Variants in GLIPR2 observed in about 807,000 individuals in gnomAD.
The protein encoded by GLIPR2 is Golgi-associated plant pathogenesis-related protein 1.
A neutral mutation model predicts 20.4 loss-of-function variants in GLIPR2; 21 were observed. The ratio of observed to expected loss-of-function variants is 1.03; its 90% confidence interval spans 0.73 to 1.48. The LOEUF (loss-of-function observed/expected upper bound fraction) is 1.48, where lower values mean the gene tolerates loss of function less well. Among genes scored for constraint, GLIPR2 ranks in the 40% most tolerant of loss-of-function variants. The probability of loss-of-function intolerance (pLI) is 0.00; values close to 1 mark genes in which losing one functional copy is unlikely to be tolerated. For missense variants in GLIPR2, 205 were observed against 200.1 expected (o/e 1.02, Z -0.15); for synonymous variants, 91 against 80.5 (o/e 1.13, Z -0.70).
chr9:36,153,385 A>C (rs1167208519), intron 4 of GLIPR2, among the ~76,000 whole-genome samples: 1 of 152,212 alleles, frequency 6.6e-6, no homozygotes, highest in East Asian at 1.9e-4. Flanking sequence ...CCCTTGTGCT[A>C]TTCCAGATAC....
intron 4 of GLIPR2, among the ~76,000 whole-genome samples, chr9:36,157,744 C>A (rs898187171): frequency 5.3e-5 from 8 of 151,698 alleles, no homozygotes; most frequent in Admixed American, 1.3e-4. Flanking sequence ...ACATATATAT[C>A]TCCCACATTT....
intron 1 of GLIPR2, among the ~76,000 whole-genome samples, chr9:36,141,091 G>C (rs1045301460): frequency 7.2e-4 from 110 of 152,228 alleles, no homozygotes; most frequent in African/African-American, 2.4e-3. Context: ...AATCATTACA[G>C]TTGGCATTTA....
At position 36,139,069 on chromosome 9, in the gene GLIPR2, G is replaced by C. The variant is rs1221509599; in HGVS notation, c.13+2278G>C. Among the ~76,000 whole-genome samples, 3 of 152,124 alleles carry C rather than the reference G, an allele frequency of 2.0e-5. No homozygotes were observed. In the East Asian group the frequency reaches 5.8e-4, roughly 29 times the overall value. ...ATGACAGAGGCATCCAGGGCAGGGT[G>C]GAGGCTGGAGAGGAGGATGGGATGG... On this transcript the variant is annotated intron_variant, in intron 1 of 4. Transcript: ENST00000377960.
rs1825553241 is a variant in GLIPR2 at position 36,150,853 on chromosome 9, C to T, written c.227-19C>T. The T allele has an allele frequency of 1.9e-6, 3 of 1,592,532 alleles. No homozygotes were observed. The highest frequency in any genetic ancestry group is 2.6e-6 in the Non-Finnish European group (3 of 1,161,632). On this transcript the variant is annotated intron_variant, in intron 3 of 4. Coordinates refer to ENST00000377960, the MANE Select transcript of GLIPR2 (RefSeq NM_022343.4). ...TGGATTTTGTGGCTGAGTTTTAGAA[C>T]AATGTCATTTCCACACAGGAAAGGA...
At chr9:36,145,518 T>C (rs1258676003) in intron 1 of GLIPR2, among the ~76,000 whole-genome samples, 1 of 152,184 alleles carries the variant, frequency 6.6e-6, no homozygotes, top group Non-Finnish European at 1.5e-5. Flanking sequence ...GGGGAAGCAC[T>C]CAGAGAGCAG....
chr9:36,156,036 C>T (rs1563887708), intron 4 of GLIPR2, among the ~76,000 whole-genome samples: 1 of 152,074 alleles, frequency 6.6e-6, no homozygotes, highest in South Asian at 2.1e-4. Context: ...ATGGTGAAAC[C>T]TTATCTCTAC....
chr9:36,145,801 G>C (rs1042442944), intron 1 of GLIPR2, among the ~76,000 whole-genome samples: 2 of 152,234 alleles, frequency 1.3e-5, no homozygotes, highest in African/African-American at 4.8e-5. Flanking sequence ...GAGGATGTTG[G>C]ATGGATGGAT....
chr9:36,148,016 G>A, intron 2 of GLIPR2, 122 bp downstream of exon 2: 1 of 711,194 alleles, frequency 1.4e-6, no homozygotes, highest in East Asian at 2.6e-5. Context: ...CAGAGGCCAA[G>A]GCGGGCGGAT....
At chr9:36,137,959 A>G (rs910047333) in intron 1 of GLIPR2, among the ~76,000 whole-genome samples, 1 of 152,364 alleles carries the variant, frequency 6.6e-6, no homozygotes, top group African/African-American at 2.4e-5. Context: ...GGCCCAGCCA[A>G]TCACTGGCTG....
At chr9:36,139,837 G>A (rs1019788069) in intron 1 of GLIPR2, among the ~76,000 whole-genome samples, 3 of 152,148 alleles carry the variant, frequency 2.0e-5, no homozygotes, top group Non-Finnish European at 4.4e-5. Context: ...TTTCTCTGCT[G>A]GGACTTGGTG....
intron 1 of GLIPR2, among the ~76,000 whole-genome samples, chr9:36,142,651 G>A (rs1198986348): frequency 6.6e-6 from 1 of 152,026 alleles, no homozygotes; most frequent in Non-Finnish European, 1.5e-5. Context: ...CCCATCGTAG[G>A]GTGGCTGGGA....
In GLIPR2 at chr9:36,162,632, G is replaced by A; in HGVS notation, c.*110G>A. 1 of 1,034,248 alleles carries A rather than the reference G, an allele frequency of 9.7e-7. No individual in the cohort carries two copies. The highest frequency in any genetic ancestry group is 1.4e-5 in the South Asian group (1 of 72,962). The allele number at this position is 1,034,248 out of a possible 1,614,324, so 64.1% of individuals were successfully genotyped here. On this transcript the variant is annotated 3_prime_UTR_variant, in exon 5 of 5. Coordinates refer to ENST00000377960, the MANE Select transcript of GLIPR2 (RefSeq NM_022343.4). ...TCCCTGTGGGTGTATGTGCTTGTGT[G>A]TGTGATGCATGTGAGCGTCTCTGGC...
At chr9:36,159,067 A>G (rs1825951349) in intron 4 of GLIPR2, among the ~76,000 whole-genome samples, 1 of 152,236 alleles carries the variant, frequency 6.6e-6, no homozygotes, top group Non-Finnish European at 1.5e-5. Context: ...TCTGTCTCAA[A>G]AAAAAAAGAA....
intron 1 of GLIPR2, among the ~76,000 whole-genome samples, chr9:36,141,317 A>G (rs761866546): frequency 2.6e-4 from 40 of 151,458 alleles, no homozygotes; most frequent in Non-Finnish European, 4.6e-4. Flanking sequence ...CGGCTTAAAG[A>G]GCAGGAGTTA....
At chr9:36,142,836 G>A (rs1286262132) in intron 1 of GLIPR2, among the ~76,000 whole-genome samples, 3 of 152,108 alleles carry the variant, frequency 2.0e-5, no homozygotes, top group Non-Finnish European at 4.4e-5. Context: ...AGCCACCTGG[G>A]CTAGGACTGG....
At position 36,136,762 on chromosome 9, in the gene GLIPR2, AGC is replaced by A; in HGVS notation, c.-11_-10del. 1 of 1,287,624 alleles carries A rather than the reference AGC, an allele frequency of 7.8e-7. No individual in the cohort carries two copies. The allele number at this position is 1,287,624 out of a possible 1,614,324, so 79.8% of individuals were successfully genotyped here. On this transcript the variant is annotated 5_prime_UTR_variant, in exon 1 of 5. Coordinates refer to ENST00000377960, the MANE Select transcript of GLIPR2 (RefSeq NM_022343.4). The surrounding 1 kb of genome is among the most constrained non-coding windows in gnomAD (Gnocchi z 4.3). ...TGCAGCGCAGCCGCGGGGAGCGAGG[AGC>A]GCGCGGAGCCGGCCATGGGCAAGTC...
chr9:36,148,237 GACA>G (rs1825422352), intron 2 of GLIPR2, among the ~76,000 whole-genome samples: 1 of 149,596 alleles, frequency 6.7e-6, no homozygotes, highest in Non-Finnish European at 1.5e-5. Context: ...GACAGAGTGA[GACA>G]ACATCTCAAA....
intron 4 of GLIPR2, among the ~76,000 whole-genome samples, chr9:36,152,191 G>C (rs921582730): frequency 6.6e-6 from 1 of 152,214 alleles, no homozygotes; most frequent in African/African-American, 2.4e-5. Context: ...GGCTGGCAGG[G>C]CTTTGAGTGT....
intron 3 of GLIPR2, among the ~76,000 whole-genome samples, chr9:36,150,095 G>A (rs1825513998): frequency 6.6e-6 from 1 of 152,220 alleles, no homozygotes; most frequent in African/African-American, 2.4e-5. Context: ...GACAGACACA[G>A]TTGGTCTGAG....
Sources: gnomAD v4.1 joint callset for allele counts (sites outside exome capture counted in the v4.1 genomes callset) on GRCh38, gnomAD v4.1.1 for gene constraint, Gnocchi (gnomAD v3.1) non-coding constraint, MANE v1.5 for transcripts, NCBI Gene and HGNC (gene_info 2026-07-23, HGNC 2026-07-21) for gene names.